MELK: variants seen among roughly 807,000 people sequenced by gnomAD.
The protein encoded by MELK is maternal embryonic leucine zipper kinase.
In MELK, 81 loss-of-function variants were observed where a neutral mutation model predicts 85.0. The ratio of observed to expected loss-of-function variants is 0.95; its 90% CI spans 0.80 to 1.15. MELK has a LOEUF of 1.15. MELK is among the 50% of genes most tolerant of loss of function. MELK has a pLI of 0.00. For synonymous variants in MELK, 252 were observed against 265.0 expected (o/e 0.95, Z 0.48); for missense variants, 754 against 777.5 (o/e 0.97, Z 0.36).
chr9:36,599,451 G>T lies in MELK; in HGVS notation c.532G>T (p.Glu178Ter), dbSNP rs149686898. The change falls in exon 7 of 18, where the codon GAG becomes TAG. Residue 178 changes from glutamate (E) to a stop codon, truncating the protein, a stop_gained. Transcript: ENST00000298048. LOFTEE classifies it high-confidence loss of function. ...TGGGAGTCTGGCTTATGCAGCACCTGAGTTAATACAAGGCAAATCATATCT... is the reference window on the plus strand; with the variant it reads ...TGGGAGTCTGGCTTATGCAGCACCTTAGTTAATACAAGGCAAATCATATCT... ...CCGSLAYAAPELIQGKSYLGS... is the reference protein window; with the variant it reads ...CCGSLAYAAP 5.0e-6 allele frequency: 8 copies of T among 1,613,430 alleles called. No individual in the cohort carries two copies. Among genetic ancestry groups the T allele is most frequent in the Non-Finnish European group, 6.8e-6 (8 of 1,179,520 alleles).
intron 14 of MELK, among the ~76,000 whole-genome samples, chr9:36,668,876 C>T (rs973657683): frequency 1.3e-5 from 2 of 152,124 alleles, no homozygotes; most frequent in African/African-American, 4.8e-5. Context: ...TTTTGCCTAA[C>T]ATGAGTTGAA....
At position 36,589,655 on chromosome 9, in the gene MELK, T is replaced by TAGTA; in HGVS notation, c.261+4_261+7dup. 1.3e-6 allele frequency: 2 copies of TAGTA among 1,582,296 alleles called. No individual in the cohort carries two copies. Among genetic ancestry groups the TAGTA allele is most frequent in the Non-Finnish European group, 1.7e-6 (2 of 1,151,162 alleles). The stretch of plus-strand genomic sequence containing the variant: ...ACAAAATATTCATGGTTCTTGAGGT[T>TAGTA]AGTAGTATGTTCCAGATACCTGAAA... On this transcript the variant is annotated splice_donor_region_variant and intron_variant, in intron 4 of 17. Coordinates refer to ENST00000298048, the MANE Select transcript of MELK (RefSeq NM_014791.4).
intron 8 of MELK, among the ~76,000 whole-genome samples, chr9:36,608,669 C>T (rs556643681): frequency 6.6e-6 from 1 of 152,172 alleles, no homozygotes; most frequent in East Asian, 1.9e-4. Flanking sequence ...GCAACCTCTG[C>T]TTCCCAGGTT....
At position 36,618,720 on chromosome 9, in the gene MELK, C is replaced by A. The variant is rs998741827; in HGVS notation, c.666+11047C>A. The stretch of plus-strand genomic sequence containing the variant: ...CAATGAGGATTTAGCTTCATTAAAC[C>A]GTATACTATAATCTGTAAATCCATG... On this transcript the variant is annotated intron_variant, in intron 8 of 17. Coordinates refer to ENST00000298048, the MANE Select transcript of MELK (RefSeq NM_014791.4). Among the ~76,000 whole-genome samples, 67 of 152,154 alleles carry A rather than the reference C, an allele frequency of 4.4e-4. 1 individual carries two copies. The highest frequency in any genetic ancestry group is 1.6e-3 in the African/African-American group (65 of 41,532).
chr9:36,614,917 A>T (rs368057560), intron 8 of MELK, among the ~76,000 whole-genome samples: 9 of 147,890 alleles, frequency 6.1e-5, no homozygotes, highest in East Asian at 6.1e-4. Context: ...CAAAGCCCCC[A>T]TTGTCATCCT....
At chr9:36,589,689 T>C in intron 4 of MELK, 37 bp downstream of exon 4, 1 of 1,418,180 alleles carries the variant, frequency 7.1e-7, no homozygotes, top group East Asian at 2.3e-5. Context: ...AAACATTTGA[T>C]CACTTTATCA....
At chr9:36,604,655 T>C (rs1564149170) in intron 7 of MELK, among the ~76,000 whole-genome samples, 2 of 151,536 alleles carry the variant, frequency 1.3e-5, no homozygotes, top group East Asian at 3.9e-4. Flanking sequence ...GCCTGACCCT[T>C]TTTTTTGAGA....
intron 8 of MELK, among the ~76,000 whole-genome samples, chr9:36,623,724 C>T (rs1403505478): frequency 6.6e-6 from 1 of 152,210 alleles, no homozygotes; most frequent in Non-Finnish European, 1.5e-5. Context: ...GAGTATTTAG[C>T]ACTTTTGGAT....
At chr9:36,653,158 A>G (rs1830880915) in intron 12 of MELK, among the ~76,000 whole-genome samples, 1 of 151,460 alleles carries the variant, frequency 6.6e-6, no homozygotes, top group South Asian at 2.1e-4. Context: ...TTTTTGTTTT[A>G]TTTTTTGAAA....
chr9:36,615,387 CG>C (rs1564164177), intron 8 of MELK, among the ~76,000 whole-genome samples: 6 of 133,582 alleles, frequency 4.5e-5, no homozygotes. Flanking sequence ...GCTGGCCGGG[CG>C]GGGGGCTGAC....
intron 8 of MELK, among the ~76,000 whole-genome samples, chr9:36,617,386 G>GC (rs1372648739): frequency 6.6e-6 from 1 of 151,506 alleles, no homozygotes; most frequent in Non-Finnish European, 1.5e-5. Flanking sequence ...AGGCTGGAGT[G>GC]CAGTGGTGCA....
At chr9:36,629,100 C>G (rs751691792) in intron 8 of MELK, among the ~76,000 whole-genome samples, 1 of 151,848 alleles carries the variant, frequency 6.6e-6, no homozygotes, top group Non-Finnish European at 1.5e-5. Context: ...CTCCTGACCT[C>G]GTGATCCACC....
rs1824365633 is a variant in MELK at position 36,597,079 on chromosome 9, C to T, written c.406-143C>T. On this transcript the variant is annotated intron_variant, in intron 5 of 17. Coordinates refer to ENST00000298048, the MANE Select transcript of MELK (RefSeq NM_014791.4). ...TCTTGAACACCTGGGCTCAAATAAT[C>T]CTCTCTCATCTGCCTTCAGAGTGCT... The T allele has an allele frequency of 4.4e-5, 27 of 608,198 alleles. No individual in the cohort carries two copies. In the East Asian group the frequency reaches 7.3e-4, roughly 16 times the overall value. 37.7% of individuals were successfully genotyped at this position (608,198 alleles called of 1,614,324 possible). A position where few individuals can be genotyped will look rare whatever the true frequency, so the allele number is the denominator to read the frequency against.
chr9:36,623,524 A>G (rs1373835111), intron 8 of MELK, among the ~76,000 whole-genome samples: 2 of 152,220 alleles, frequency 1.3e-5, no homozygotes, highest in East Asian at 3.8e-4. Context: ...ATGATACTCT[A>G]CAGAGGTGTT....
At chr9:36,669,928 A>C (rs1832741791) in intron 15 of MELK, among the ~76,000 whole-genome samples, 1 of 152,084 alleles carries the variant, frequency 6.6e-6, no homozygotes, top group Non-Finnish European at 1.5e-5. Context: ...TTATGGAATT[A>C]TTATTAATTT....
intron 12 of MELK, among the ~76,000 whole-genome samples, chr9:36,656,046 C>T (rs1831209669): frequency 6.6e-6 from 1 of 152,066 alleles, no homozygotes; most frequent in Non-Finnish European, 1.5e-5. Context: ...TCCAAGTACA[C>T]CCACAGTCTT....
chr9:36,671,032 C>A lies in MELK; in HGVS notation c.1540C>A (p.His514Asn). The A allele has an allele frequency of 6.2e-7, 1 of 1,612,926 alleles. No individual in the cohort carries two copies. The highest frequency in any genetic ancestry group is 1.7e-5 in the Admixed American group (1 of 59,822). The change falls in exon 16 of 18, where the codon CAT becomes AAT. Residue 514 changes from histidine to asparagine, a missense_variant. Physicochemically the swap from His to Asn is moderately conservative, Grantham distance 68 (BLOSUM62 1). Coordinates refer to ENST00000298048, the MANE Select transcript of MELK (RefSeq NM_014791.4). Reference protein sequence around the residue: ...RSVELDLNQAHMEETPKRKGA... With the variant: ...RSVELDLNQANMEETPKRKGA... ...AGTGGAATTGGATCTCAACCAAGCA[C>A]ATATGGAGGAGACTCCAAAAAGAAA...
intron 8 of MELK, among the ~76,000 whole-genome samples, chr9:36,627,852 T>A (rs1200617141): frequency 2.0e-5 from 3 of 150,926 alleles, no homozygotes; most frequent in Admixed American, 2.0e-4. Context: ...ATTTATCCCT[T>A]GCCAGGGCAC....
intron 7 of MELK, among the ~76,000 whole-genome samples, chr9:36,605,701 G>A (rs1564150409): frequency 6.6e-6 from 1 of 151,518 alleles, no homozygotes. Flanking sequence ...AATTTGATAT[G>A]ATTTGGTAGA....
Sources: allele counts gnomAD v4.1 joint callset (sites outside exome capture counted in the v4.1 genomes callset), GRCh38; gene constraint gnomAD v4.1.1; transcripts MANE v1.5; gene names NCBI Gene and HGNC (gene_info 2026-07-23, HGNC 2026-07-21).